RFFL: variants seen among roughly 807,000 people sequenced by gnomAD.
RFFL encodes ring finger and FYVE like domain containing E3 ubiquitin protein ligase.
Under a neutral mutation model 40.4 loss-of-function variants are expected in RFFL, and 16 were observed. That is an observed-to-expected ratio of 0.40 (90% confidence interval 0.27 to 0.60). RFFL has a LOEUF of 0.60. Among genes scored for constraint, RFFL ranks in the 20% least tolerant of loss-of-function variants. The pLI is 0.47. For synonymous variants in RFFL, 154 were observed against 167.9 expected (o/e 0.92, Z 0.64); for missense variants, 367 against 451.7 (o/e 0.81, Z 1.70).
intron 1 of RFFL, among the ~76,000 whole-genome samples, chr17:35,032,181 T>C (rs1215010523): frequency 1.3e-5 from 2 of 151,622 alleles, no homozygotes; most frequent in African/African-American, 4.9e-5. Context: ...GTACAAGTAG[T>C]AAACAAAGAG....
chr17:35,067,028 A>T (rs537997883), upstream of RFFL, among the ~76,000 whole-genome samples: 1 of 152,264 alleles, frequency 6.6e-6, no homozygotes, highest in South Asian at 2.1e-4. Context: ...AAGAATCAAC[A>T]GGGGTGCTTA....
At chr17:35,051,770 A>T (rs1294341009) in intron 1 of RFFL, among the ~76,000 whole-genome samples, 4 of 152,210 alleles carry the variant, frequency 2.6e-5, no homozygotes, top group Non-Finnish European at 5.9e-5. Flanking sequence ...GATTCCCAGA[A>T]GGGAGTGACT....
chr17:35,065,287 G>A (rs987300668), upstream of RFFL, among the ~76,000 whole-genome samples: 8 of 152,092 alleles, frequency 5.3e-5, no homozygotes, highest in African/African-American at 9.7e-5. Flanking sequence ...CGGGCACAGC[G>A]GTTCACGCCT....
chr17:35,065,237 C>G (rs1005535959), upstream of RFFL, among the ~76,000 whole-genome samples: 1 of 151,974 alleles, frequency 6.6e-6, no homozygotes, highest in Non-Finnish European at 1.5e-5. Flanking sequence ...TAGAAAAGCT[C>G]CTGACCTGTT....
At chr17:35,079,582 C>T (rs911727631) in intron 1 of RFFL, among the ~76,000 whole-genome samples, 1 of 152,144 alleles carries the variant, frequency 6.6e-6, no homozygotes, top group African/African-American at 2.4e-5. Context: ...GGTGAAGCTG[C>T]AGAACTACTA....
intron 1 of RFFL, among the ~76,000 whole-genome samples, chr17:35,086,497 A>G (rs983095785): frequency 2.2e-4 from 30 of 138,942 alleles, no homozygotes; most frequent in Admixed American, 1.0e-3. Context: ...AAAAAAAAAA[A>G]GACTATCTTT....
intron 2 of RFFL, among the ~76,000 whole-genome samples, chr17:35,024,394 T>C (rs1276549989): frequency 1.3e-5 from 2 of 152,126 alleles, no homozygotes; most frequent in Non-Finnish European, 2.9e-5. Flanking sequence ...GATCTGAATA[T>C]CACTTCCATG....
upstream of RFFL, among the ~76,000 whole-genome samples, chr17:35,064,661 T>C (rs754399738): frequency 1.3e-5 from 2 of 152,178 alleles, no homozygotes; most frequent in East Asian, 1.9e-4. Flanking sequence ...TGTATGACAG[T>C]TCCCCAAGGC....
intron 1 of RFFL, among the ~76,000 whole-genome samples, chr17:35,076,490 G>A (rs2091377163): frequency 6.6e-6 from 1 of 151,666 alleles, no homozygotes; most frequent in African/African-American, 2.4e-5. Flanking sequence ...AGACCAGCCT[G>A]ACCAACATGG....
intron 1 of RFFL, among the ~76,000 whole-genome samples, chr17:35,087,894 C>G (rs1028649249): frequency 6.6e-6 from 1 of 152,164 alleles, no homozygotes; most frequent in Admixed American, 6.5e-5. Flanking sequence ...AACCTGAAAT[C>G]CCCTGAACAG....
At chr17:35,056,248 T>A (rs949912511) in intron 1 of RFFL, among the ~76,000 whole-genome samples, 1 of 152,162 alleles carries the variant, frequency 6.6e-6, no homozygotes, top group African/African-American at 2.4e-5. Flanking sequence ...ACCTTTGACA[T>A]CAATGACCAC....
chr17:35,035,630 T>A (rs1483124714), intron 1 of RFFL, among the ~76,000 whole-genome samples: 1 of 150,594 alleles, frequency 6.6e-6, no homozygotes, highest in African/African-American at 2.4e-5. Flanking sequence ...TTTATATACC[T>A]ATATCTGTAT....
At chr17:35,085,330 A>G (rs1037376357) in intron 1 of RFFL, among the ~76,000 whole-genome samples, 3 of 152,246 alleles carry the variant, frequency 2.0e-5, no homozygotes, top group Non-Finnish European at 4.4e-5. Flanking sequence ...CCAGTAAGGT[A>G]AAGTTAATAA....
In RFFL at chr17:35,026,662, G is replaced by C. The variant is rs569052715; in HGVS notation, c.-8-101C>G. 4 of 866,838 alleles carry C rather than the reference G, an allele frequency of 4.6e-6. No homozygotes were observed. In the African/African-American group the frequency reaches 7.0e-5, roughly 15 times the overall value. 53.7% of individuals were successfully genotyped at this position (866,838 alleles called of 1,614,324 possible). On this transcript the variant is annotated intron_variant, in intron 1 of 6. Transcript: ENST00000394597. ...AGGTGAGCAGTGACACTCAATGCAC[G>C]CATGCCACCAAGGTGGAGGGGAGGA...
intron 1 of RFFL, among the ~76,000 whole-genome samples, chr17:35,081,618 T>C (rs1311199059): frequency 6.6e-6 from 1 of 152,148 alleles, no homozygotes; most frequent in Non-Finnish European, 1.5e-5. Flanking sequence ...TCTAATACAT[T>C]AATTATATAA....
chr17:35,063,213 T>C (rs1239774047), intron 1 of RFFL, among the ~76,000 whole-genome samples: 1 of 152,058 alleles, frequency 6.6e-6, no homozygotes, highest in East Asian at 1.9e-4. Context: ...TCCAGCACTT[T>C]GGGAGGCTGA....
At chr17:35,054,805 C>T (rs373386383) in intron 1 of RFFL, among the ~76,000 whole-genome samples, 1 of 152,078 alleles carries the variant, frequency 6.6e-6, no homozygotes, top group East Asian at 1.9e-4. Context: ...ATTCCCTAAG[C>T]GTCATTTTTC....
chr17:35,036,525 G>C (rs2091124031), intron 1 of RFFL: 1 of 152,148 alleles, frequency 6.6e-6, no homozygotes. Context: ...TTCCCTAAAA[G>C]GGAGAAAAAT....
chr17:35,050,773 G>C (rs1012402763), intron 1 of RFFL, among the ~76,000 whole-genome samples: 3 of 152,190 alleles, frequency 2.0e-5, no homozygotes, highest in Admixed American at 2.0e-4. Flanking sequence ...AGGAGGTTGA[G>C]ACCAGCCTGA....
Sources: gnomAD v4.1 joint callset for allele counts (sites outside exome capture counted in the v4.1 genomes callset) on GRCh38, gnomAD v4.1.1 for gene constraint, MANE v1.5 for transcripts, NCBI Gene and HGNC (gene_info 2026-07-23, HGNC 2026-07-21) for gene names.